ELK4: variants seen among roughly 807,000 people sequenced by gnomAD.
ELK4 encodes the protein ETS transcription factor ELK4, also known as ETS domain-containing protein Elk-4.
A neutral mutation model predicts 29.6 loss-of-function variants in ELK4; 16 were observed. The ratio of observed to expected loss-of-function variants is 0.54; its 90% confidence interval spans 0.37 to 0.82. The LOEUF (loss-of-function observed/expected upper bound fraction) is 0.82, where lower values mean the gene tolerates loss of function less well. Ranked by LOEUF, ELK4 falls within the 40% of genes least tolerant of loss-of-function variation. The probability of loss-of-function intolerance (pLI) is 0.00; values close to 1 mark genes in which losing one functional copy is unlikely to be tolerated. For synonymous variants in ELK4, 213 were observed against 191.1 expected, an observed-to-expected ratio of 1.11 and a Z score of -0.95; for missense variants, 465 against 507.1, an observed-to-expected ratio of 0.92 and a Z score of 0.80.
In ELK4 at chr1:205,614,520, T is replaced by C. The variant is rs1214632346; in HGVS notation, c.*2026A>G. The C allele has an allele frequency of 4.4e-6, 1 of 228,654 alleles. No homozygotes were observed. Among genetic ancestry groups the C allele is most frequent in the Non-Finnish European group, 8.7e-6 (1 of 115,328 alleles). 14.2% of individuals were successfully genotyped at this position (228,654 alleles called of 1,614,324 possible). ...TTCCCCATCACTATTAAACAATACC[T>C]TTCAACACTACTATTGCACATCTCA... is the stretch of plus-strand genomic sequence containing the variant. On this transcript the variant is annotated 3_prime_UTR_variant, in exon 5 of 5. Transcript: ENST00000357992.
At chr1:205,622,279 CTG>C (rs1670367020) in intron 2 of ELK4, among the ~76,000 whole-genome samples, 1 of 152,206 alleles carries the variant, frequency 6.6e-6, no homozygotes, top group Non-Finnish European at 1.5e-5. Context: ...AAAACCAACT[CTG>C]TGTATAAACA....
At position 205,619,957 on chromosome 1, in the gene ELK4, G is replaced by A; in HGVS notation, c.1080+9C>T. 8 of 1,614,204 alleles carry A rather than the reference G, an allele frequency of 5.0e-6. No homozygotes were observed. The highest frequency in any genetic ancestry group is 1.3e-5 in the African/African-American group (1 of 75,048). ...GCAATGGTGACACCATAAAGAGCGA[G>A]CAAGCTACCTGTGAAAAAAATGCTG... On this transcript the variant is annotated intron_variant, in intron 3 of 4. Coordinates refer to ENST00000357992, the MANE Select transcript of ELK4 (RefSeq NM_001973.4).
At chr1:205,619,131 G>C (rs1302239733) in intron 3 of ELK4, 58 bp from the exon 4 acceptor site, 1 of 1,383,506 alleles carries the variant, frequency 7.2e-7, no homozygotes, top group East Asian at 2.5e-5. Context: ...TTTTATCCTT[G>C]AAACAGCACA....
chr1:205,624,621 T>C (rs889175874), intron 1 of ELK4, among the ~76,000 whole-genome samples: 3 of 152,348 alleles, frequency 2.0e-5, no homozygotes, highest in African/African-American at 2.4e-5. Flanking sequence ...AATATTTTAA[T>C]ATCTTAAGTT....
rs1220948607 is a variant in ELK4, at chr1:205,610,405, C to T, written c.*6141G>A. 4.3e-6 allele frequency: 1 copy of T among 229,932 alleles called. No homozygotes were observed. Among genetic ancestry groups the T allele is most frequent in the Non-Finnish European group, 8.6e-6 (1 of 116,154 alleles). The allele number at this position is 229,932 out of a possible 1,614,324, so 14.2% of individuals were successfully genotyped here. A position where few individuals can be genotyped will look rare whatever the true frequency, so the allele number is the denominator to read the frequency against. On this transcript the variant is annotated 3_prime_UTR_variant, in exon 5 of 5. Coordinates refer to ENST00000357992, the MANE Select transcript of ELK4 (RefSeq NM_001973.4). ...TCCACTACTGTATTCAATCCATGGT[C>T]GAATCTCTGTACTTTAGAAATACTG... is the stretch of plus-strand genomic sequence containing the variant.
chr1:205,618,440 G>A (rs551900814), intron 4 of ELK4, among the ~76,000 whole-genome samples: 19 of 151,958 alleles, frequency 1.3e-4, no homozygotes, highest in African/African-American at 4.4e-4. Context: ...GTATGTAATA[G>A]TAAATAATGA....
chr1:205,630,798 C>A (rs1670567746), intron 1 of ELK4, among the ~76,000 whole-genome samples: 1 of 152,104 alleles, frequency 6.6e-6, no homozygotes, highest in East Asian at 1.9e-4. Context: ...AACACCGCTG[C>A]CAAACCTAAA....
Position 205,620,033 on chromosome 1 carries a change from G to A in ELK4, c.1013C>T (p.Pro338Leu), listed in dbSNP as rs773142323. The change falls in exon 3 of 5, where the codon CCA becomes CTA. Residue 338 changes from proline to leucine, a missense_variant. Transcript: ENST00000357992. ...APTLVITSSDPSPLGILSPSL... is the reference protein window; with the variant it reads ...APTLVITSSDLSPLGILSPSL... ...TGGGCTCAGTATTCCCAGTGGGCTTGGATCACTGCTCGTGATCACAAGGGT... is the reference window on the plus strand; with the variant it reads ...TGGGCTCAGTATTCCCAGTGGGCTTAGATCACTGCTCGTGATCACAAGGGT... 1 of 1,614,224 alleles carries A rather than the reference G, an allele frequency of 6.2e-7. No individual in the cohort carries two copies. Among genetic ancestry groups the A allele is most frequent in the South Asian group, 1.1e-5 (1 of 91,080 alleles).
At chr1:205,617,984 TGAGA>T (rs898266780) in intron 4 of ELK4, among the ~76,000 whole-genome samples, 121 of 131,432 alleles carry the variant, frequency 9.2e-4, no homozygotes, top group South Asian at 4.4e-3. Flanking sequence ...TGTGTGTGTG[TGAGA>T]GAGAGAGAGA....
intron 1 of ELK4, among the ~76,000 whole-genome samples, 152 bp downstream of exon 1, chr1:205,631,480 G>C (rs1670585675): frequency 6.7e-6 from 1 of 150,212 alleles, no homozygotes; most frequent in South Asian, 2.1e-4. Flanking sequence ...CCGGCGGGCC[G>C]GGGGCGGACC....
intron 1 of ELK4, among the ~76,000 whole-genome samples, chr1:205,630,331 ATGTAT>A (rs1670555882): frequency 6.6e-6 from 1 of 152,230 alleles, no homozygotes; most frequent in Non-Finnish European, 1.5e-5. Context: ...TGTTGAAGTA[ATGTAT>A]TAAGGAAAGG....
intron 3 of ELK4, 146 bp downstream of exon 3, chr1:205,619,820 G>C (rs1405647203): frequency 6.4e-7 from 1 of 1,564,372 alleles, no homozygotes; most frequent in Non-Finnish European, 8.6e-7. Flanking sequence ...TGAGAAATGG[G>C]GTAACTTTCA....
At position 205,620,044 on chromosome 1, in the gene ELK4, C is replaced by T. The variant is rs1670303360; in HGVS notation, c.1002G>A (p.Thr334=). 4.3e-6 allele frequency: 7 copies of T among 1,614,176 alleles called. No individual in the cohort carries two copies. Among genetic ancestry groups the T allele is most frequent in the Non-Finnish European group, 5.9e-6 (7 of 1,180,034 alleles). ...GLELAPTLVI[T]SSDPSPLGIL... ...TTCCCAGTGGGCTTGGATCACTGCT[C>T]GTGATCACAAGGGTGGGTGCCAGTT... Residue 334 remains threonine, a synonymous_variant, in exon 3 of 5, where the codon ACG becomes ACA. Transcript: ENST00000357992.
intron 4 of ELK4, among the ~76,000 whole-genome samples, chr1:205,617,358 T>C (rs1283916489): frequency 1.3e-5 from 2 of 151,884 alleles, no homozygotes; most frequent in Non-Finnish European, 2.9e-5. Flanking sequence ...AAATCAGAGA[T>C]AGTCAACCAT....
Position 205,615,390 on chromosome 1 carries a change from C to CA in ELK4, c.*1155dup, listed in dbSNP as rs67904643. 0.22 allele frequency: 11,440 copies of CA among 52,204 alleles called. 1,317 individuals are homozygous for CA. The highest frequency in any genetic ancestry group is 0.3 in the Non-Finnish European group (8,356 of 27,954). 3.2% of individuals were successfully genotyped at this position (52,204 alleles called of 1,614,324 possible). Reference sequence around the variant, plus strand: ...TGGGTGATAGAGCAAGACTCTGTCTCAAAAAAAAAAAAAAAAAAAAAAAAA... The same window carrying CA: ...TGGGTGATAGAGCAAGACTCTGTCTCAAAAAAAAAAAAAAAAAAAAAAAAAA... On this transcript the variant is annotated 3_prime_UTR_variant, in exon 5 of 5. Coordinates refer to ENST00000357992, the MANE Select transcript of ELK4 (RefSeq NM_001973.4).
At chr1:205,619,687 CGAGA>C in intron 3 of ELK4, 2 of 1,412,930 alleles carry the variant, frequency 1.4e-6, no homozygotes, top group Non-Finnish European at 1.8e-6. Flanking sequence ...CGAGAGAGAG[CGAGA>C]GAGTGTGTGT....
At chr1:205,626,013 C>T (rs569910057) in intron 1 of ELK4, 20 of 1,437,382 alleles carry the variant, frequency 1.4e-5, no homozygotes, top group Admixed American at 3.4e-5. Context: ...AATTCATCTC[C>T]GAGCTGAGGA....
chr1:205,614,738 C>G lies in ELK4; in HGVS notation c.*1808G>C. 1 of 226,342 alleles carries G rather than the reference C, an allele frequency of 4.4e-6. No individual in the cohort carries two copies. The allele number at this position is 226,342 out of a possible 1,614,324, so 14.0% of individuals were successfully genotyped here. A position where few individuals can be genotyped will look rare whatever the true frequency, so the allele number is the denominator to read the frequency against. ...AGTAAATACCATGCATCTGAAGATG[C>G]TAGTTTGTAACAGTGTCAGTCTGAG... On this transcript the variant is annotated 3_prime_UTR_variant, in exon 5 of 5. Coordinates refer to ENST00000357992, the MANE Select transcript of ELK4 (RefSeq NM_001973.4).
In ELK4 at chr1:205,611,085, C is replaced by T. The variant is rs1196418725; in HGVS notation, c.*5461G>A. 1 of 216,366 alleles carries T rather than the reference C, an allele frequency of 4.6e-6. No individual in the cohort carries two copies. The highest frequency in any genetic ancestry group is 9.3e-6 in the Non-Finnish European group (1 of 107,588). The allele number at this position is 216,366 out of a possible 1,614,324, so 13.4% of individuals were successfully genotyped here. ...GTAGAAAGCTTAGAGCCAGTATTTC[C>T]CCTCTCATACAAACCACTCTGGATT... On this transcript the variant is annotated 3_prime_UTR_variant, in exon 5 of 5. Transcript: ENST00000357992.
Sources: allele counts gnomAD v4.1 joint callset (sites outside exome capture counted in the v4.1 genomes callset), GRCh38; gene constraint gnomAD v4.1.1; transcripts MANE v1.5; gene names NCBI Gene and HGNC (gene_info 2026-07-23, HGNC 2026-07-21).